R3HCC1L: variants seen among roughly 807,000 people sequenced by gnomAD.
R3HCC1L encodes the protein coiled-coil domain-containing protein R3HCC1L.
Under a neutral mutation model 59.9 loss-of-function variants are expected in R3HCC1L, and 51 were observed. That is an observed-to-expected ratio of 0.85 (90% CI 0.68 to 1.07). The LOEUF (loss-of-function observed/expected upper bound fraction) is 1.07, where lower values mean the gene tolerates loss of function less well. Among genes scored for constraint, R3HCC1L ranks in the 50% least tolerant of loss-of-function variants. The pLI, the probability that R3HCC1L is intolerant of heterozygous loss-of-function variation, is 0.00. For synonymous variants in R3HCC1L, 322 were observed against 315.2 expected (o/e 1.02, Z -0.23); for missense variants, 965 against 933.0 (o/e 1.03, Z -0.45).
chr10:98,169,981 A>G (rs558114175), intron 4 of R3HCC1L, among the ~76,000 whole-genome samples: 5 of 148,194 alleles, frequency 3.4e-5, no homozygotes, highest in African/African-American at 1.2e-4. Flanking sequence ...AGTCTTGTCC[A>G]GTGTATGAGG....
chr10:98,168,389 A>T (rs1396884118), intron 4 of R3HCC1L, among the ~76,000 whole-genome samples: 1 of 152,224 alleles, frequency 6.6e-6, no homozygotes, highest in Admixed American at 6.5e-5. Flanking sequence ...ATAAAGCGTG[A>T]AATCAGTTGG....
At chr10:98,140,323 A>G (rs956643382) in intron 1 of R3HCC1L, among the ~76,000 whole-genome samples, 1 of 152,242 alleles carries the variant, frequency 6.6e-6, no homozygotes, top group Admixed American at 6.5e-5. Flanking sequence ...TAAAAGGAAA[A>G]GTAAACAGCA....
intron 9 of R3HCC1L, among the ~76,000 whole-genome samples, chr10:98,241,073 T>C (rs1196031809): frequency 6.6e-6 from 1 of 152,216 alleles, no homozygotes; most frequent in Non-Finnish European, 1.5e-5. Flanking sequence ...CCATATATTA[T>C]GATCATATAA....
intron 5 of R3HCC1L, among the ~76,000 whole-genome samples, chr10:98,216,382 C>T (rs1854209491): frequency 6.6e-6 from 1 of 152,018 alleles, no homozygotes; most frequent in Non-Finnish European, 1.5e-5. Flanking sequence ...GGCGTAGTGG[C>T]ATGTGCCTGT....
chr10:98,146,593 T>G (rs1004993589), intron 1 of R3HCC1L, among the ~76,000 whole-genome samples: 11 of 152,250 alleles, frequency 7.2e-5, no homozygotes, highest in Non-Finnish European at 1.6e-4. Flanking sequence ...CTTGTTTTAC[T>G]TAACACAATG....
At chr10:98,155,989 T>G (rs1427902017) in intron 1 of R3HCC1L, 104 bp from the exon 2 acceptor site, 1 of 152,038 alleles carries the variant, frequency 6.6e-6, no homozygotes, top group Non-Finnish European at 1.5e-5. Context: ...TTGCTGATAG[T>G]GTCTTAAATA....
chr10:98,234,347 G>T, intron 6 of R3HCC1L, 99 bp from the exon 7 acceptor site: 1 of 1,080,826 alleles, frequency 9.3e-7, no homozygotes, highest in Non-Finnish European at 1.4e-6. Flanking sequence ...CTCGTTGAGT[G>T]TTTCTATCTT....
chr10:98,173,702 C>T (rs985269635), intron 4 of R3HCC1L, among the ~76,000 whole-genome samples: 2 of 152,042 alleles, frequency 1.3e-5, no homozygotes, highest in Non-Finnish European at 2.9e-5. Flanking sequence ...CCACACCCCT[C>T]CCCCTACTCT....
intron 7 of R3HCC1L, 94 bp from the exon 8 acceptor site, chr10:98,235,331 G>A (rs936742944): frequency 5.8e-6 from 6 of 1,039,322 alleles, no homozygotes; most frequent in East Asian, 5.3e-5. Flanking sequence ...TGAAAAAAAA[G>A]CATAACATCT....
chr10:98,215,379 AAAC>A (rs1173341339), intron 5 of R3HCC1L, among the ~76,000 whole-genome samples: 1 of 151,496 alleles, frequency 6.6e-6, no homozygotes, highest in Non-Finnish European at 1.5e-5. Context: ...ATACATATTG[AAAC>A]AACTCTCCTA....
intron 4 of R3HCC1L, among the ~76,000 whole-genome samples, chr10:98,196,287 C>G (rs1170571219): frequency 6.6e-5 from 10 of 152,154 alleles, no homozygotes; most frequent in Admixed American, 6.5e-4. Context: ...TCTTCCTCCC[C>G]TCATACTTGC....
At chr10:98,193,096 C>T (rs1412893577) in intron 4 of R3HCC1L, among the ~76,000 whole-genome samples, 1 of 138,110 alleles carries the variant, frequency 7.2e-6, no homozygotes, top group Non-Finnish European at 1.7e-5. Context: ...GATAAAAACA[C>T]TCAACAACCT....
intron 4 of R3HCC1L, among the ~76,000 whole-genome samples, chr10:98,199,443 ATT>A (rs146538649): frequency 2.0e-5 from 3 of 148,938 alleles, no homozygotes; most frequent in African/African-American, 7.4e-5. Context: ...AATTTTAGTG[ATT>A]TTTTTTTTAA....
chr10:98,242,503 C>T (rs567579347), intron 9 of R3HCC1L, among the ~76,000 whole-genome samples: 3 of 152,270 alleles, frequency 2.0e-5, no homozygotes, highest in East Asian at 3.9e-4. Flanking sequence ...TAAATAGCTT[C>T]GTATCCTTTC....
intron 9 of R3HCC1L, among the ~76,000 whole-genome samples, chr10:98,243,547 A>G (rs72828461): frequency 0.031 from 4,783 of 152,316 alleles, 96 homozygotes; most frequent in Non-Finnish European, 0.044. Flanking sequence ...ATATTCCAGA[A>G]GATTTCTGGC....
At chr10:98,222,174 T>G (rs1021684428) in intron 5 of R3HCC1L, among the ~76,000 whole-genome samples, 1 of 152,244 alleles carries the variant, frequency 6.6e-6, no homozygotes, top group African/African-American at 2.4e-5. Context: ...TATTTGGCTG[T>G]CTGTTTGTCT....
At chr10:98,170,165 G>T (rs1024541501) in intron 4 of R3HCC1L, among the ~76,000 whole-genome samples, 1 of 152,186 alleles carries the variant, frequency 6.6e-6, no homozygotes, top group East Asian at 1.9e-4. Context: ...CATATACTCG[G>T]TGGAAAACTG....
At chr10:98,217,021 A>C (rs768733139) in intron 5 of R3HCC1L, among the ~76,000 whole-genome samples, 3 of 152,232 alleles carry the variant, frequency 2.0e-5, no homozygotes, top group Non-Finnish European at 4.4e-5. Flanking sequence ...TAAATATGAC[A>C]TGTCAGTTAT....
chr10:98,163,306 C>A lies in R3HCC1L; in HGVS notation c.-106C>A. 1 of 820,122 alleles carries A rather than the reference C, an allele frequency of 1.2e-6. No homozygotes were observed. The highest frequency in any genetic ancestry group is 4.5e-5 in the South Asian group (1 of 22,386). The allele number at this position is 820,122 out of a possible 1,614,324, so 50.8% of individuals were successfully genotyped here. ...ACTATTTTTCAGGTGAGGCTGCTGT[C>A]AGAAAGGAACTTTTACACAGTTTGC... On this transcript the variant is annotated 5_prime_UTR_variant, in exon 4 of 10. Coordinates refer to ENST00000298999, the MANE Select transcript of R3HCC1L (RefSeq NM_001351015.2).
Sources: allele counts gnomAD v4.1 joint callset (sites outside exome capture counted in the v4.1 genomes callset), GRCh38; gene constraint gnomAD v4.1.1; transcripts MANE v1.5; gene names NCBI Gene and HGNC (gene_info 2026-07-23, HGNC 2026-07-21).